SYNDIG1: variants seen among roughly 807,000 people sequenced by gnomAD.
SYNDIG1 encodes synapse differentiation inducing 1, also known as synapse differentiation-inducing gene protein 1.
SYNDIG1 carries 9 observed loss-of-function variants against 19.4 expected under a neutral mutation model. That is an observed-to-expected ratio of 0.46 (90% CI 0.28 to 0.81). SYNDIG1 has a LOEUF of 0.81. Ranked by LOEUF, SYNDIG1 falls within the 30% of genes least tolerant of loss-of-function variation. SYNDIG1 has a pLI of 0.12. For synonymous variants in SYNDIG1, 141 were observed against 145.9 expected, an observed-to-expected ratio of 0.97 and a Z score of 0.24; for missense variants, 311 against 343.3, an observed-to-expected ratio of 0.91 and a Z score of 0.74.
intron 3 of SYNDIG1, among the ~76,000 whole-genome samples, chr20:24,599,626 G>A (rs2058648262): frequency 6.6e-6 from 1 of 152,182 alleles, no homozygotes; most frequent in African/African-American, 2.4e-5. Flanking sequence ...ATGTGGTATA[G>A]ATACACAATG....
chr20:24,568,613 G>A (rs923499498), intron 2 of SYNDIG1, among the ~76,000 whole-genome samples: 1 of 152,202 alleles, frequency 6.6e-6, no homozygotes, highest in African/African-American at 2.4e-5. Context: ...CCAATGAGAG[G>A]TATGGCGCAC....
rs2057923870 is a variant in SYNDIG1 at position 24,560,692 on chromosome 20, T to TGCTTTTTTTTTTTTTTTTTTTTTAA, written c.480+17115_480+17116insGCTTTTTTTTTTTTTTTTTTTTTAA. On this transcript the variant is annotated intron_variant, in intron 2 of 3. Coordinates refer to ENST00000376862, the MANE Select transcript of SYNDIG1 (RefSeq NM_024893.3). ...TGCCCCCGAGACAGTTTCTGTTGAC[T>TGCTTTTTTTTTTTTTTTTTTTTTAA]ACTTTTTTTTTTTTTTTTTTTTTAA... 2.1e-5 allele frequency among the ~76,000 whole-genome samples: 3 copies of TGCTTTTTTTTTTTTTTTTTTTTTAA among 144,060 alleles called. 1 individual carries two copies. Among genetic ancestry groups the TGCTTTTTTTTTTTTTTTTTTTTTAA allele is most frequent in the African/African-American group, 5.4e-5 (2 of 37,064 alleles). 94.5% of individuals were successfully genotyped at this position (144,060 alleles called of 152,430 possible). A position where few individuals can be genotyped will look rare whatever the true frequency, so the allele number is the denominator to read the frequency against.
intron 3 of SYNDIG1, among the ~76,000 whole-genome samples, chr20:24,651,968 G>A (rs1468455627): frequency 6.6e-6 from 1 of 152,212 alleles, no homozygotes; most frequent in Admixed American, 6.5e-5. Context: ...CCCCACATCA[G>A]GTGACCCTGT....
At chr20:24,648,945 A>G (rs2147360867) in intron 3 of SYNDIG1, among the ~76,000 whole-genome samples, 1 of 152,376 alleles carries the variant, frequency 6.6e-6, no homozygotes, top group Middle Eastern at 3.4e-3. Flanking sequence ...TATATCCTTC[A>G]TTCATGTCAT....
chr20:24,488,458 C>T (rs888342590), intron 1 of SYNDIG1, among the ~76,000 whole-genome samples: 4 of 152,190 alleles, frequency 2.6e-5, no homozygotes, highest in South Asian at 4.1e-4. Context: ...GGTGGTGTGC[C>T]GACAACAATG....
chr20:24,592,070 A>G (rs1304924926), intron 3 of SYNDIG1, among the ~76,000 whole-genome samples: 5 of 152,150 alleles, frequency 3.3e-5, no homozygotes, highest in Admixed American at 6.5e-5. Context: ...ATGGGAGAGA[A>G]CCAAGCTATC....
intron 1 of SYNDIG1, chr20:24,491,736 T>C (rs1411588913): frequency 4.6e-5 from 7 of 152,122 alleles, no homozygotes; most frequent in Admixed American, 4.6e-4. Context: ...CACTTTGGAG[T>C]ATCTGGAGGA....
chr20:24,508,274 G>A lies in SYNDIG1; in HGVS notation c.-78-34746G>A, dbSNP rs200291439. Among the ~76,000 whole-genome samples the A allele has an allele frequency of 1.1e-4, 14 of 124,656 alleles. No homozygotes were observed. In the East Asian group the frequency reaches 3.4e-3, roughly 30 times the overall value. The allele number at this position is 124,656 out of a possible 152,430, so 81.8% of individuals were successfully genotyped here. On this transcript the variant is annotated intron_variant, in intron 1 of 3. Transcript: ENST00000376862. Reference sequence around the variant, plus strand: ...GACAGAGTCTCACTCTGTAGCCCAGGCTGGAGTGCAGTGGCACAATCTCGG... The same window carrying A: ...GACAGAGTCTCACTCTGTAGCCCAGACTGGAGTGCAGTGGCACAATCTCGG...
chr20:24,536,877 G>T (rs1185851518), intron 1 of SYNDIG1, among the ~76,000 whole-genome samples: 5 of 152,100 alleles, frequency 3.3e-5, no homozygotes, highest in African/African-American at 1.2e-4. Flanking sequence ...GCTCTGTTGG[G>T]TCCTGGACCC....
In SYNDIG1 at chr20:24,665,684, T is replaced by A; in HGVS notation, c.*180T>A. The A allele has an allele frequency of 1.3e-6, 1 of 774,148 alleles. No individual in the cohort carries two copies. The highest frequency in any genetic ancestry group is 1.9e-6 in the Non-Finnish European group (1 of 518,694). 48.0% of individuals were successfully genotyped at this position (774,148 alleles called of 1,614,324 possible). A position where few individuals can be genotyped will look rare whatever the true frequency, so the allele number is the denominator to read the frequency against. ...CTTTAATTTCATGTTCACAGCACTG[T>A]GTAGAGCACCAGACAGACGGGCACT... is the stretch of plus-strand genomic sequence containing the variant. On this transcript the variant is annotated 3_prime_UTR_variant, in exon 4 of 4. Coordinates refer to ENST00000376862, the MANE Select transcript of SYNDIG1 (RefSeq NM_024893.3).
chr20:24,594,778 T>C (rs964037758), intron 3 of SYNDIG1, among the ~76,000 whole-genome samples: 2 of 152,332 alleles, frequency 1.3e-5, no homozygotes, highest in South Asian at 4.1e-4. Context: ...TTTTATTCTA[T>C]TCGTGGCTAT....
At chr20:24,518,783 G>A (rs1042884174) in intron 1 of SYNDIG1, among the ~76,000 whole-genome samples, 2 of 152,062 alleles carry the variant, frequency 1.3e-5, no homozygotes, top group East Asian at 1.9e-4. Flanking sequence ...TGTTTCACTC[G>A]TGAAACCATG....
chr20:24,527,350 G>A (rs535661249), intron 1 of SYNDIG1, among the ~76,000 whole-genome samples: 1 of 151,946 alleles, frequency 6.6e-6, no homozygotes, highest in East Asian at 1.9e-4. Context: ...AAATTCACAC[G>A]TTTCATTTTT....
intron 2 of SYNDIG1, among the ~76,000 whole-genome samples, chr20:24,560,673 C>A (rs920505420): frequency 1.4e-5 from 2 of 147,838 alleles, no homozygotes; most frequent in Admixed American, 1.3e-4. Context: ...GCCCTGCCCC[C>A]GAGACAGTTT....
At chr20:24,643,822 A>G (rs549646915) in intron 3 of SYNDIG1, among the ~76,000 whole-genome samples, 7 of 152,244 alleles carry the variant, frequency 4.6e-5, no homozygotes, top group Non-Finnish European at 8.8e-5. Flanking sequence ...TGCTCTAAGA[A>G]GAAATACAGC....
chr20:24,544,808 G>T (rs2146738648), intron 2 of SYNDIG1, among the ~76,000 whole-genome samples: 1 of 152,254 alleles, frequency 6.6e-6, no homozygotes, highest in Admixed American at 6.5e-5. Context: ...TGGGGGAAGT[G>T]CCCATTCTAG....
At chr20:24,584,204 C>G (rs987853153) in intron 2 of SYNDIG1, among the ~76,000 whole-genome samples, 8 of 152,296 alleles carry the variant, frequency 5.3e-5, no homozygotes, top group Non-Finnish European at 1.0e-4. Context: ...CCATCCTCTG[C>G]TCCTCAGGAA....
At chr20:24,615,807 T>C (rs893752866) in intron 3 of SYNDIG1, among the ~76,000 whole-genome samples, 8 of 148,106 alleles carry the variant, frequency 5.4e-5, no homozygotes, top group Non-Finnish European at 1.0e-4. Context: ...ATGGGATTCT[T>C]CCCTCTCCCC....
intron 1 of SYNDIG1, among the ~76,000 whole-genome samples, chr20:24,474,746 A>G (rs2055567715): frequency 6.6e-6 from 1 of 152,216 alleles, no homozygotes. Context: ...TTAAATTTCT[A>G]TTTTGAACAA....
Sources: allele counts gnomAD v4.1 joint callset (sites outside exome capture counted in the v4.1 genomes callset), GRCh38; gene constraint gnomAD v4.1.1; transcripts MANE v1.5; gene names NCBI Gene and HGNC (gene_info 2026-07-23, HGNC 2026-07-21).